MLLT1: variants seen among roughly 807,000 people sequenced by gnomAD.
MLLT1 encodes the protein MLLT1 super elongation complex subunit, also known as protein ENL.
MLLT1 carries 11 observed loss-of-function variants against 55.1 expected under a neutral mutation model. The observed-to-expected ratio is 0.20, with a 90% CI of 0.13 to 0.33. MLLT1 has a LOEUF of 0.33. Ranked by LOEUF, MLLT1 falls within the 10% of genes least tolerant of loss-of-function variation. The probability of loss-of-function intolerance (pLI) is 1.00; values close to 1 mark genes in which losing one functional copy is unlikely to be tolerated. For synonymous variants in MLLT1, 323 were observed against 320.1 expected, an observed-to-expected ratio of 1.01 and a Z score of -0.10; for missense variants, 536 against 760.6, an observed-to-expected ratio of 0.70 and a Z score of 3.47.
intron 3 of MLLT1, among the ~76,000 whole-genome samples, chr19:6,255,930 C>G (rs983604137): frequency 2.6e-5 from 4 of 152,192 alleles, no homozygotes; most frequent in African/African-American, 9.7e-5. Flanking sequence ...AGTTCAAGAC[C>G]AGCCTGGGCC....
chr19:6,214,144 C>A lies in MLLT1; in HGVS notation c.1308-106G>T, dbSNP rs1294589404. 7 of 570,594 alleles carry A rather than the reference C, an allele frequency of 1.2e-5. No homozygotes were observed. The East Asian group carries it at 2.3e-4, about 19-fold the overall frequency. The allele number at this position is 570,594 out of a possible 1,614,324, so 35.3% of individuals were successfully genotyped here. On this transcript the variant is annotated intron_variant, in intron 8 of 11. Coordinates refer to ENST00000252674, the MANE Select transcript of MLLT1 (RefSeq NM_005934.4). ...CGCACGGAGTCGGTGCCTGAGCCCA[C>A]ACACCCCCAACAGCTCCATTCACCT...
intron 8 of MLLT1, among the ~76,000 whole-genome samples, chr19:6,214,620 C>T (rs1044917350): frequency 6.6e-6 from 1 of 152,210 alleles, no homozygotes; most frequent in Non-Finnish European, 1.5e-5. Context: ...TTGACCTCTG[C>T]CTCAGTTTCC....
chr19:6,214,359 G>A lies in MLLT1; in HGVS notation c.1308-321C>T, dbSNP rs535319736. Reference sequence around the variant, plus strand: ...CTGTGGTCCTCTGACTTGGTTCTGTGGCTTTAACAAGGGGAGGAGGAGCTG... The same window carrying A: ...CTGTGGTCCTCTGACTTGGTTCTGTAGCTTTAACAAGGGGAGGAGGAGCTG... On this transcript the variant is annotated intron_variant, in intron 8 of 11. Transcript: ENST00000252674. Among the ~76,000 whole-genome samples the A allele has an allele frequency of 3.3e-5, 5 of 152,314 alleles. No homozygotes were observed. In the South Asian group the frequency reaches 6.2e-4, roughly 19 times the overall value.
intron 3 of MLLT1, among the ~76,000 whole-genome samples, chr19:6,243,872 T>A (rs915324198): frequency 6.0e-5 from 9 of 151,250 alleles, no homozygotes; most frequent in Non-Finnish European, 1.2e-4. Context: ...TGAAACCCCC[T>A]CTCTACTAAA....
At position 6,222,180 on chromosome 19, in the gene MLLT1, T is replaced by C; in HGVS notation, c.1051A>G (p.Lys351Glu). The C allele has an allele frequency of 6.3e-7, 1 of 1,586,756 alleles. No homozygotes were observed. Among genetic ancestry groups the C allele is most frequent in the South Asian group, 1.1e-5 (1 of 87,862 alleles). Residue 351 changes from lysine to glutamate, a missense_variant, in exon 6 of 12, where the codon AAA (lysine) becomes GAA (glutamate). By Grantham distance (56) the Lys-to-Glu change is moderately conservative. Coordinates refer to ENST00000252674, the MANE Select transcript of MLLT1 (RefSeq NM_005934.4). The surrounding 1 kb of genome is among the most constrained non-coding windows in gnomAD (Gnocchi z 4.1). ...GACTCCTCCACCTCCAGGGCCTTTT[T>C]GGCCTCCCGGGGCTCACTCTCGGCC... ...VKAESEPREA[K>E]KALEVEESNS...
intron 6 of MLLT1, among the ~76,000 whole-genome samples, chr19:6,218,586 CA>C (rs1179779563): frequency 6.6e-6 from 1 of 152,158 alleles, no homozygotes; most frequent in Non-Finnish European, 1.5e-5. Flanking sequence ...CGTGCGTGCA[CA>C]GGGGACAGAA....
intron 1 of MLLT1, among the ~76,000 whole-genome samples, chr19:6,275,049 C>T (rs1316372924): frequency 3.3e-5 from 5 of 152,262 alleles, no homozygotes; most frequent in Admixed American, 1.3e-4. Context: ...CAAAGAGCCG[C>T]GAGCCAGCCT....
In MLLT1 at chr19:6,235,701, G is replaced by A. The variant is rs573849729; in HGVS notation, c.277-4988C>T. Among the ~76,000 whole-genome samples the A allele has an allele frequency of 1.3e-5, 2 of 152,194 alleles. No homozygotes were observed. Among genetic ancestry groups the A allele is most frequent in the Admixed American group, 1.3e-4 (2 of 15,296 alleles). ...CTCCTGGACCACCTGCCTCCTAACC[G>A]TCACCCGCTTCCACCACAGCCCCCT... On this transcript the variant is annotated intron_variant, in intron 3 of 11. Transcript: ENST00000252674. This position sits in a 1 kb window ranked among gnomAD's most constrained non-coding sequence, Gnocchi z 5.5.
intron 7 of MLLT1, chr19:6,216,799 T>C (rs751300250): frequency 1.7e-4 from 70 of 420,598 alleles, no homozygotes; most frequent in Non-Finnish European, 2.6e-4. Context: ...GGCCCCTCCA[T>C]TGCTGCAGCC....
intron 3 of MLLT1, among the ~76,000 whole-genome samples, chr19:6,239,986 G>A (rs913339784): frequency 1.3e-5 from 2 of 151,814 alleles, no homozygotes; most frequent in African/African-American, 4.8e-5. Context: ...GAAAACCTCT[G>A]ACCAGGAGTC....
chr19:6,255,462 CAGCCT>C (rs2091250134), intron 3 of MLLT1, among the ~76,000 whole-genome samples: 1 of 152,140 alleles, frequency 6.6e-6, no homozygotes, highest in South Asian at 2.1e-4. Flanking sequence ...CACTGCACTC[CAGCCT>C]AGGTGATGGA....
chr19:6,228,048 T>C (rs553072780), intron 4 of MLLT1, among the ~76,000 whole-genome samples: 9 of 152,280 alleles, frequency 5.9e-5, no homozygotes, highest in East Asian at 3.9e-4. Flanking sequence ...CATGGGGACA[T>C]TGGCTGAAAA....
intron 4 of MLLT1, among the ~76,000 whole-genome samples, chr19:6,228,167 G>A (rs902986114): frequency 3.3e-5 from 5 of 152,248 alleles, no homozygotes; most frequent in African/African-American, 4.8e-5. Flanking sequence ...CTGAAAACAC[G>A]CCACGGGAGG....
chr19:6,212,871 G>C lies in MLLT1; in HGVS notation c.*171C>G. The C allele has an allele frequency of 1.0e-6, 1 of 1,001,936 alleles. No homozygotes were observed. The highest frequency in any genetic ancestry group is 1.4e-6 in the Non-Finnish European group (1 of 712,032). 62.1% of individuals were successfully genotyped at this position (1,001,936 alleles called of 1,614,324 possible). A position where few individuals can be genotyped will look rare whatever the true frequency, so the allele number is the denominator to read the frequency against. ...GCCCCAGGGCTCCTGGCGATGGAGCGGGGAGAGTGGGCAGGGAGCCGCCGA... is the reference window on the plus strand; with the variant it reads ...GCCCCAGGGCTCCTGGCGATGGAGCCGGGAGAGTGGGCAGGGAGCCGCCGA... On this transcript the variant is annotated 3_prime_UTR_variant, in exon 12 of 12. Coordinates refer to ENST00000252674, the MANE Select transcript of MLLT1 (RefSeq NM_005934.4).
In MLLT1 at chr19:6,217,939, G is replaced by A; in HGVS notation, c.1198+15C>T. The A allele has an allele frequency of 1.3e-6, 2 of 1,590,736 alleles. No homozygotes were observed. Among genetic ancestry groups the A allele is most frequent in the Non-Finnish European group, 1.7e-6 (2 of 1,170,020 alleles). On this transcript the variant is annotated intron_variant, in intron 7 of 11. Coordinates refer to ENST00000252674, the MANE Select transcript of MLLT1 (RefSeq NM_005934.4). ...CCGGCCCCATCCGTGCCCCCCAGCT[G>A]CTCTCCATACACACCTTGGCTGTGG...
At position 6,211,577 on chromosome 19, in the gene MLLT1, C is replaced by T. The variant is rs1275814561; in HGVS notation, c.*1465G>A. ...GGAGGAGGAGACATCTAGGTGGGTT[C>T]GAGGGGGTGCGAGCCCACCTCCAGG... On this transcript the variant is annotated 3_prime_UTR_variant, in exon 12 of 12. Transcript: ENST00000252674. This position sits in a 1 kb window ranked among gnomAD's most constrained non-coding sequence, Gnocchi z 4.6. The T allele has an allele frequency of 2.8e-6, 3 of 1,063,578 alleles. No individual in the cohort carries two copies. The highest frequency in any genetic ancestry group is 5.3e-5 in the Admixed American group (1 of 18,714). The allele number at this position is 1,063,578 out of a possible 1,614,324, so 65.9% of individuals were successfully genotyped here.
intron 3 of MLLT1, among the ~76,000 whole-genome samples, chr19:6,251,864 G>A (rs1208700063): frequency 3.9e-5 from 6 of 152,176 alleles, no homozygotes; most frequent in Non-Finnish European, 7.4e-5. Flanking sequence ...TGAAGTGGGA[G>A]GATCACCTGA....
At position 6,278,959 on chromosome 19, in the gene MLLT1, TG is replaced by T. The variant is rs551283626; in HGVS notation, c.12+813del. Among the ~76,000 whole-genome samples, 394 of 152,188 alleles carry T rather than the reference TG, an allele frequency of 2.6e-3. 2 individuals carry two copies. Among genetic ancestry groups the T allele is most frequent in the Middle Eastern group, 0.014 (4 of 294 alleles). ...GACACTCCAAACAGGCCTGAGTCCC[TG>T]CAGCAGAAGACCGAAGGCCAGGGTC... On this transcript the variant is annotated intron_variant, in intron 1 of 11. Transcript: ENST00000252674.
Position 6,235,349 on chromosome 19 carries a change from G to A in MLLT1, c.277-4636C>T, listed in dbSNP as rs2091049844. ...AGCCTGGCCACGGTCCTGCCTCCTA[G>A]GCCTCAGGTTCCTCACGGGCAGCAT... On this transcript the variant is annotated intron_variant, in intron 3 of 11. Transcript: ENST00000252674. This position sits in a 1 kb window ranked among gnomAD's most constrained non-coding sequence, Gnocchi z 5.5. Among the ~76,000 whole-genome samples, 1 of 152,194 alleles carries A rather than the reference G, an allele frequency of 6.6e-6. No individual in the cohort carries two copies. Among genetic ancestry groups the A allele is most frequent in the African/African-American group, 2.4e-5 (1 of 41,452 alleles).
Sources: allele counts gnomAD v4.1 joint callset (sites outside exome capture counted in the v4.1 genomes callset), GRCh38; gene constraint gnomAD v4.1.1; non-coding constraint Gnocchi (gnomAD v3.1); transcripts MANE v1.5; gene names NCBI Gene and HGNC (gene_info 2026-07-23, HGNC 2026-07-21).